The following KCNH1 variants were observed in gnomAD, a reference collection of about 807,000 sequenced individuals.
KCNH1 encodes the protein voltage-gated delayed rectifier potassium channel KCNH1.
KCNH1 carries 27 observed loss-of-function variants against 69.2 expected under a neutral mutation model. That is an observed-to-expected ratio of 0.39 (90% CI 0.29 to 0.54). The LOEUF (loss-of-function observed/expected upper bound fraction) is 0.54. Ranked by LOEUF, KCNH1 falls within the 20% of genes least tolerant of loss-of-function variation. The pLI, the probability that KCNH1 is intolerant of heterozygous loss-of-function variation, is 0.68. For missense variants in KCNH1, 798 were observed against 1,261.6 expected (o/e 0.63, Z 5.57); for synonymous variants, 456 against 487.7 (o/e 0.93, Z 0.86).
At chr1:210,738,934 T>C (rs1302608992) in intron 10 of KCNH1, among the ~76,000 whole-genome samples, 1 of 152,130 alleles carries the variant, frequency 6.6e-6, no homozygotes, top group Non-Finnish European at 1.5e-5. Context: ...TTTACCTCCT[T>C]CCAATAAATT....
intron 1 of KCNH1, among the ~76,000 whole-genome samples, chr1:211,119,825 AT>A (rs1248449690): frequency 2.0e-5 from 3 of 152,204 alleles, no homozygotes; most frequent in African/African-American, 7.2e-5. Flanking sequence ...ACAGAAATAC[AT>A]TTTTTATTAA....
At chr1:210,871,577 A>G (rs935638875) in intron 7 of KCNH1, among the ~76,000 whole-genome samples, 31 of 152,166 alleles carry the variant, frequency 2.0e-4, no homozygotes, top group African/African-American at 7.5e-4. Context: ...ACTATAAATC[A>G]TGCTGCTATA....
intron 7 of KCNH1, chr1:210,862,233 G>A: frequency 1.7e-6 from 2 of 1,148,820 alleles, no homozygotes; most frequent in South Asian, 1.2e-5. Context: ...CCTCTTGCAG[G>A]GCTGGGTCCA....
intron 6 of KCNH1, among the ~76,000 whole-genome samples, chr1:210,928,963 C>T (rs1687630188): frequency 6.6e-6 from 1 of 152,042 alleles, no homozygotes; most frequent in Non-Finnish European, 1.5e-5. Flanking sequence ...AATATGCAAC[C>T]CTCCTAGATT....
At position 210,935,604 on chromosome 1, in the gene KCNH1, T is replaced by C. The variant is rs7522148; in HGVS notation, c.1033-15535A>G. Among the ~76,000 whole-genome samples the C allele has an allele frequency of 6.0e-3, 917 of 152,330 alleles. 10 individuals are homozygous for C. The highest frequency in any genetic ancestry group is 0.021 in the African/African-American group (875 of 41,570). On this transcript the variant is annotated intron_variant, in intron 6 of 10. Coordinates refer to ENST00000271751, the MANE Select transcript of KCNH1 (RefSeq NM_172362.3). ...ATATTACATGTATTGAAAATCACAC[T>C]GTACCCCATAAAAATGAACGGTTAT...
Position 210,975,725 on chromosome 1 carries a change from G to A in KCNH1, c.1032+43058C>T, listed in dbSNP as rs193097776. ...CACATCTAAAACACCAAAAGCAATGGCAACAAAAGCCAAAATTGACAAATG... is the reference window on the plus strand; with the variant it reads ...CACATCTAAAACACCAAAAGCAATGACAACAAAAGCCAAAATTGACAAATG... On this transcript the variant is annotated intron_variant, in intron 6 of 10. Coordinates refer to ENST00000271751, the MANE Select transcript of KCNH1 (RefSeq NM_172362.3). Among the ~76,000 whole-genome samples, 378 of 152,254 alleles carry A rather than the reference G, an allele frequency of 2.5e-3. 1 individual carries two copies. Among genetic ancestry groups the A allele is most frequent in the Non-Finnish European group, 4.2e-3 (285 of 68,000 alleles).
chr1:210,780,427 T>TA (rs1197767346), intron 9 of KCNH1, among the ~76,000 whole-genome samples: 3 of 151,942 alleles, frequency 2.0e-5, no homozygotes, highest in Non-Finnish European at 2.9e-5. Context: ...CCAAACCAAT[T>TA]AAAAAAAATT....
intron 2 of KCNH1, among the ~76,000 whole-genome samples, 162 bp from the exon 3 acceptor site, chr1:211,103,764 T>C (rs1259141718): frequency 6.6e-6 from 1 of 152,226 alleles, no homozygotes; most frequent in Non-Finnish European, 1.5e-5. Context: ...CTGATTCAAC[T>C]GTGAATAAGA....
intron 6 of KCNH1, among the ~76,000 whole-genome samples, chr1:211,012,946 A>G (rs1030712951): frequency 6.6e-5 from 10 of 152,174 alleles, no homozygotes; most frequent in African/African-American, 1.7e-4. Context: ...AAACAGCTCT[A>G]AAGAATAAAG....
Position 210,895,955 on chromosome 1 carries a change from C to T in KCNH1, c.1462+23685G>A, listed in dbSNP as rs1686857508. Among the ~76,000 whole-genome samples the T allele has an allele frequency of 2.6e-5, 4 of 152,094 alleles. No individual in the cohort carries two copies. The South Asian group carries it at 8.3e-4, about 32-fold the overall frequency. ...AGCAATCCTACGGTAATATTGCAGA[C>T]AACCACGAGAGATTCTGAGTAATTT... On this transcript the variant is annotated intron_variant, in intron 7 of 10. Coordinates refer to ENST00000271751, the MANE Select transcript of KCNH1 (RefSeq NM_172362.3).
In KCNH1 at chr1:210,732,722, G is replaced by A. The variant is rs534311445; in HGVS notation, c.2112+42626C>T. ...CTGGCAGATTCAGTGTCTGGCAAGG[G>A]CTCTGTCTGCTTCACAGACAGCACG... On this transcript the variant is annotated intron_variant, in intron 10 of 10. Transcript: ENST00000271751. Among the ~76,000 whole-genome samples the A allele has an allele frequency of 1.4e-4, 21 of 152,322 alleles. No homozygotes were observed. The South Asian group carries it at 4.4e-3, about 32-fold the overall frequency.
intron 10 of KCNH1, among the ~76,000 whole-genome samples, chr1:210,692,881 A>G (rs1296083012): frequency 6.6e-6 from 1 of 152,264 alleles, no homozygotes; most frequent in African/African-American, 2.4e-5. Context: ...AAGAGAAGCA[A>G]TTTGTTTTAA....
rs747498526 is a variant in KCNH1 at position 211,050,260 on chromosome 1, TAAAAA to T, written c.559-31009_559-31005del. On this transcript the variant is annotated intron_variant, in intron 5 of 10. Coordinates refer to ENST00000271751, the MANE Select transcript of KCNH1 (RefSeq NM_172362.3). ...AGGACAAACTCAGCCCACACATTCTTAAAAAAAAAAAAAAAAAAAAAAAAAAAAAA... is the reference window on the plus strand; with the variant it reads ...AGGACAAACTCAGCCCACACATTCTTAAAAAAAAAAAAAAAAAAAAAAAAA... Among the ~76,000 whole-genome samples the T allele has an allele frequency of 3.7e-3, 218 of 58,532 alleles. 1 individual carries two copies. The highest frequency in any genetic ancestry group is 9.8e-3 in the Middle Eastern group (1 of 102). 38.4% of individuals were successfully genotyped at this position (58,532 alleles called of 152,430 possible). A position where few individuals can be genotyped will look rare whatever the true frequency, so the allele number is the denominator to read the frequency against.
At chr1:210,776,578 C>T (rs1205840112) in intron 9 of KCNH1, among the ~76,000 whole-genome samples, 2 of 152,206 alleles carry the variant, frequency 1.3e-5, no homozygotes, top group South Asian at 2.1e-4. Flanking sequence ...CTTTCTATCA[C>T]GTGAGGATAC....
chr1:210,798,040 C>CTTT (rs540791928), intron 8 of KCNH1, among the ~76,000 whole-genome samples: 47 of 131,378 alleles, frequency 3.6e-4, no homozygotes, highest in Non-Finnish European at 5.2e-4. Flanking sequence ...GGGAAGGTGA[C>CTTT]TTTTTTTTTT....
At chr1:210,902,805 G>C (rs546255899) in intron 7 of KCNH1, among the ~76,000 whole-genome samples, 38 of 152,206 alleles carry the variant, frequency 2.5e-4, no homozygotes, top group Admixed American at 2.2e-3. Flanking sequence ...CCTTTGCTCA[G>C]ACAATCACTG....
chr1:211,029,036 T>A (rs1227114105), intron 5 of KCNH1, among the ~76,000 whole-genome samples: 1 of 151,366 alleles, frequency 6.6e-6, no homozygotes, highest in Non-Finnish European at 1.5e-5. Context: ...AATTTAGCAA[T>A]ATATAAAAAT....
chr1:211,051,121 C>T (rs1690197836), intron 5 of KCNH1, among the ~76,000 whole-genome samples: 1 of 151,956 alleles, frequency 6.6e-6, no homozygotes, highest in Non-Finnish European at 1.5e-5. Context: ...CCTCAGTCTC[C>T]CAAGTAGCTA....
At position 210,919,644 on chromosome 1, in the gene KCNH1, A is replaced by T; in HGVS notation, c.1458T>A (p.Ile486=). The change falls in exon 7 of 11, where the codon ATT becomes ATA. Residue 486 remains isoleucine, a synonymous_variant. Transcript: ENST00000271751. This position sits in a 1 kb window ranked among gnomAD's most constrained non-coding sequence, Gnocchi z 4.2. The part of the protein sequence containing the change: ...EKIFAVAIMM[I]GSLLYATIFG... ...CCCCAGCACTGTCATACTTACAGCC[A>T]ATCATCATGATGGCCACTGCAAAGA... 1.2e-6 allele frequency: 2 copies of T among 1,612,196 alleles called. No individual in the cohort carries two copies. Among genetic ancestry groups the T allele is most frequent in the Non-Finnish European group, 1.7e-6 (2 of 1,178,644 alleles).
Sources: allele counts gnomAD v4.1 joint callset (sites outside exome capture counted in the v4.1 genomes callset), GRCh38; gene constraint gnomAD v4.1.1; non-coding constraint Gnocchi (gnomAD v3.1); transcripts MANE v1.5; gene names NCBI Gene and HGNC (gene_info 2026-07-23, HGNC 2026-07-21).